Variants in PTPRN2 observed in about 807,000 individuals in gnomAD.
The protein encoded by PTPRN2 is protein tyrosine phosphatase receptor type N2.
In PTPRN2, 74 loss-of-function variants were observed where a neutral mutation model predicts 118.8. The observed-to-expected ratio is 0.62, with a 90% CI of 0.52 to 0.76. The LOEUF is 0.76. PTPRN2 is among the 30% of genes least tolerant of loss of function. The pLI, the probability that PTPRN2 is intolerant of heterozygous loss-of-function variation, is 0.00. For missense variants in PTPRN2, 1,481 were observed against 1,394.4 expected (o/e 1.06, Z -0.99); for synonymous variants, 641 against 608.0 (o/e 1.05, Z -0.80).
chr7:157,645,221 C>G (rs1804985485), intron 14 of PTPRN2, among the ~76,000 whole-genome samples: 1 of 152,210 alleles, frequency 6.6e-6, no homozygotes, highest in Non-Finnish European at 1.5e-5. Flanking sequence ...GTGTCCAAAA[C>G]CACTCTTGGA....
chr7:158,434,830 G>A (rs1404817776), intron 2 of PTPRN2, among the ~76,000 whole-genome samples: 2 of 151,676 alleles, frequency 1.3e-5, no homozygotes, highest in Non-Finnish European at 2.9e-5. Context: ...ATAATAACAC[G>A]GGACCTTGAT....
intron 2 of PTPRN2, among the ~76,000 whole-genome samples, chr7:158,340,907 C>G (rs1225419759): frequency 1.1e-5 from 1 of 89,628 alleles, no homozygotes; most frequent in Non-Finnish European, 2.4e-5. Context: ...CACCCGAAGT[C>G]AGTCACACCC....
At chr7:158,036,570 G>C (rs1808103533) in intron 11 of PTPRN2, among the ~76,000 whole-genome samples, 1 of 152,036 alleles carries the variant, frequency 6.6e-6, no homozygotes, top group Non-Finnish European at 1.5e-5. Flanking sequence ...AGGGAAATCA[G>C]TAAAACAAAA....
chr7:158,034,494 G>A (rs182555388), intron 11 of PTPRN2, among the ~76,000 whole-genome samples: 3 of 152,188 alleles, frequency 2.0e-5, no homozygotes, highest in Non-Finnish European at 4.4e-5. Flanking sequence ...CCTGCACTTT[G>A]CCTGCTGCCA....
At chr7:158,556,540 A>C (rs1586935179) in intron 1 of PTPRN2, among the ~76,000 whole-genome samples, 1 of 147,590 alleles carries the variant, frequency 6.8e-6, no homozygotes. Flanking sequence ...GCGACAGAGC[A>C]AAACTCTGTT....
intron 2 of PTPRN2, among the ~76,000 whole-genome samples, chr7:158,374,444 C>T (rs566301964): frequency 2.3e-4 from 35 of 152,282 alleles, no homozygotes; most frequent in Non-Finnish European, 4.3e-4. Flanking sequence ...TCAATATCAA[C>T]AGCGCAGAAA....
At chr7:158,337,711 C>G (rs1486431879) in intron 2 of PTPRN2, among the ~76,000 whole-genome samples, 74 of 147,072 alleles carry the variant, frequency 5.0e-4, no homozygotes, top group South Asian at 1.3e-3. Flanking sequence ...ACCATAAGAG[C>G]TGACGCCCGC....
Position 158,563,188 on chromosome 7 carries a change from C to G in PTPRN2, c.112+24370G>C, listed in dbSNP as rs1055037702. Among the ~76,000 whole-genome samples the G allele has an allele frequency of 1.3e-4, 20 of 152,204 alleles. No homozygotes were observed. Among genetic ancestry groups the G allele is most frequent in the African/African-American group, 4.6e-4 (19 of 41,442 alleles). On this transcript the variant is annotated intron_variant, in intron 1 of 22. Coordinates refer to ENST00000389418, the MANE Select transcript of PTPRN2 (RefSeq NM_002847.5). This position sits in a 1 kb window ranked among gnomAD's most constrained non-coding sequence, Gnocchi z 5.1. ...AACCTCACAGGGAAATTTGTGCCTT[C>G]TCCCAAGGCAGGACCACAAGTTTGC...
At chr7:158,250,100 A>C (rs1240666771) in intron 3 of PTPRN2, among the ~76,000 whole-genome samples, 1 of 152,214 alleles carries the variant, frequency 6.6e-6, no homozygotes, top group Non-Finnish European at 1.5e-5. Flanking sequence ...GAATTGTTGA[A>C]GTATGGTACA....
At position 158,584,400 on chromosome 7, in the gene PTPRN2, G is replaced by C. The variant is rs113764575; in HGVS notation, c.112+3158C>G. Among the ~76,000 whole-genome samples the C allele has an allele frequency of 4.9e-3, 753 of 152,286 alleles. 3 individuals carry two copies. Among genetic ancestry groups the C allele is most frequent in the African/African-American group, 0.017 (724 of 41,554 alleles). ...ATGCCCTGAAATCACAGAGAAAGGC[G>C]GGCCGGTCGGGAGGAAAACTCAAAG... On this transcript the variant is annotated intron_variant, in intron 1 of 22. Transcript: ENST00000389418.
intron 6 of PTPRN2, among the ~76,000 whole-genome samples, chr7:158,149,118 C>G (rs1820595486): frequency 2.0e-5 from 3 of 150,758 alleles, no homozygotes; most frequent in East Asian, 3.9e-4. Flanking sequence ...CTTTCCCCCT[C>G]AATGACACCC....
intron 3 of PTPRN2, among the ~76,000 whole-genome samples, chr7:158,248,784 CATAT>C: frequency 8.2e-5 from 1 of 12,198 alleles, no homozygotes; most frequent in African/African-American, 5.2e-4. Context: ...GCACACATCA[CATAT>C]GTGCATATAG....
In PTPRN2 at chr7:158,267,426, A is replaced by T. The variant is rs540008117; in HGVS notation, c.277+49393T>A. ...AAGCCAGGGAGCATGTTTTTGTGTG[A>T]GTGTTGATTGTGGACAACGCCCAGA... is the stretch of plus-strand genomic sequence containing the variant. On this transcript the variant is annotated intron_variant, in intron 3 of 22. Coordinates refer to ENST00000389418, the MANE Select transcript of PTPRN2 (RefSeq NM_002847.5). 4.6e-5 allele frequency among the ~76,000 whole-genome samples: 7 copies of T among 152,208 alleles called. No individual in the cohort carries two copies. The East Asian group carries it at 1.2e-3, about 25-fold the overall frequency.
intron 3 of PTPRN2, among the ~76,000 whole-genome samples, chr7:158,248,619 T>TACACACGCACAC (rs1563035078): frequency 7.0e-6 from 1 of 143,620 alleles, no homozygotes; most frequent in African/African-American, 2.6e-5. Flanking sequence ...TACATGCACA[T>TACACACGCACAC]ACACACGCAC....
At chr7:157,938,062 A>T (rs1231129251) in intron 11 of PTPRN2, among the ~76,000 whole-genome samples, 2 of 152,218 alleles carry the variant, frequency 1.3e-5, no homozygotes, top group Non-Finnish European at 2.9e-5. Context: ...TTTCTGCACA[A>T]TGTGAACCCC....
At chr7:158,520,955 G>T (rs1309811213) in intron 1 of PTPRN2, among the ~76,000 whole-genome samples, 1 of 152,068 alleles carries the variant, frequency 6.6e-6, no homozygotes. Context: ...TGAGGGCCTG[G>T]CCGAGATCTC....
intron 11 of PTPRN2, among the ~76,000 whole-genome samples, chr7:158,040,611 C>T (rs1808391470): frequency 6.6e-6 from 1 of 152,112 alleles, no homozygotes; most frequent in Admixed American, 6.5e-5. Context: ...AAAGAAAACA[C>T]CCAACTTAAA....
At chr7:157,706,283 G>T (rs556555459) in intron 12 of PTPRN2, among the ~76,000 whole-genome samples, 2 of 150,492 alleles carry the variant, frequency 1.3e-5, no homozygotes, top group African/African-American at 5.0e-5. Flanking sequence ...TGAATCTGAC[G>T]CAGTGCTGTC....
intron 1 of PTPRN2, among the ~76,000 whole-genome samples, chr7:158,490,397 A>G (rs1377267184): frequency 6.6e-6 from 1 of 152,222 alleles, no homozygotes; most frequent in African/African-American, 2.4e-5. Context: ...CGCGGGGCAG[A>G]GGCAGCGCCT....
Sources: allele counts gnomAD v4.1 joint callset (sites outside exome capture counted in the v4.1 genomes callset), GRCh38; gene constraint gnomAD v4.1.1; non-coding constraint Gnocchi (gnomAD v3.1); transcripts MANE v1.5; gene names NCBI Gene and HGNC (gene_info 2026-07-23, HGNC 2026-07-21).